The following TTLL5 variants were observed in gnomAD, a reference collection of about 807,000 sequenced individuals.
The protein encoded by TTLL5 is tubulin tyrosine ligase like 5.
Under a neutral mutation model 168.4 loss-of-function variants are expected in TTLL5, and 132 were observed. The ratio of observed to expected loss-of-function variants is 0.78; its 90% confidence interval spans 0.68 to 0.91. The LOEUF is 0.91. Ranked by LOEUF, TTLL5 falls within the 40% of genes least tolerant of loss-of-function variation. The pLI is 0.00. For synonymous variants in TTLL5, 546 were observed against 558.6 expected, an observed-to-expected ratio of 0.98 and a Z score of 0.32; for missense variants, 1,545 against 1,581.5, an observed-to-expected ratio of 0.98 and a Z score of 0.39.
intron 28 of TTLL5, among the ~76,000 whole-genome samples, chr14:75,831,967 G>T (rs1201744254): frequency 6.6e-6 from 1 of 152,142 alleles, no homozygotes; most frequent in Non-Finnish European, 1.5e-5. Flanking sequence ...TGCCAACGGA[G>T]GGGTAGAGTC....
intron 27 of TTLL5, among the ~76,000 whole-genome samples, chr14:75,799,505 T>C (rs1453506083): frequency 1.3e-5 from 2 of 152,250 alleles, no homozygotes; most frequent in Non-Finnish European, 2.9e-5. Context: ...CTGTTCATCA[T>C]GCTAGTTGTT....
chr14:75,863,961 A>C, intron 29 of TTLL5, 99 bp downstream of exon 29: 2 of 1,265,326 alleles, frequency 1.6e-6, no homozygotes, highest in Non-Finnish European at 2.1e-6. Flanking sequence ...ATGTAGGATT[A>C]GTTTTCCAAC....
At chr14:75,950,468 T>A (rs1345336461) in intron 31 of TTLL5, among the ~76,000 whole-genome samples, 2 of 152,114 alleles carry the variant, frequency 1.3e-5, no homozygotes, top group Non-Finnish European at 2.9e-5. Context: ...TTGTGGGAGT[T>A]TTTTTCCCTT....
At chr14:75,923,223 G>A (rs2033892191) in intron 31 of TTLL5, among the ~76,000 whole-genome samples, 1 of 152,124 alleles carries the variant, frequency 6.6e-6, no homozygotes, top group African/African-American at 2.4e-5. Flanking sequence ...GTTCTGCTCT[G>A]ATGTTAGTTA....
intron 31 of TTLL5, among the ~76,000 whole-genome samples, chr14:75,908,784 A>G (rs7161642): frequency 0.028 from 4,258 of 151,984 alleles, 227 homozygotes; most frequent in African/African-American, 0.096. Flanking sequence ...GTATGTATAT[A>G]TATATTTTTT....
chr14:75,718,269 A>T (rs892486703), intron 10 of TTLL5, among the ~76,000 whole-genome samples: 1 of 152,222 alleles, frequency 6.6e-6, no homozygotes, highest in Admixed American at 6.5e-5. Context: ...TTTAGAAGTT[A>T]AGAAATGAGG....
chr14:75,914,033 A>ATATATATATATATATATAT (rs1555356334), intron 31 of TTLL5, among the ~76,000 whole-genome samples: 1 of 71,100 alleles, frequency 1.4e-5, no homozygotes, highest in African/African-American at 1.6e-4. Flanking sequence ...AAAAAAAAAA[A>ATATATATATATATATATAT]ATATATATAT....
chr14:75,749,556 A>G (rs562221674), intron 17 of TTLL5, among the ~76,000 whole-genome samples: 3 of 70,886 alleles, frequency 4.2e-5, no homozygotes, highest in Admixed American at 3.6e-4. Context: ...GGGAGTGCTG[A>G]CCCTATAGGA....
chr14:75,927,903 A>G (rs866510113), intron 31 of TTLL5, among the ~76,000 whole-genome samples: 1 of 152,086 alleles, frequency 6.6e-6, no homozygotes, highest in African/African-American at 2.4e-5. Flanking sequence ...TGTGCCACCA[A>G]TTGCTTCTCT....
At chr14:75,856,585 A>G (rs764635396) in intron 28 of TTLL5, among the ~76,000 whole-genome samples, 1 of 148,406 alleles carries the variant, frequency 6.7e-6, no homozygotes, top group Non-Finnish European at 1.5e-5. Flanking sequence ...ATTTATTCTT[A>G]GGTATTTGAT....
chr14:75,742,384 ATTGTT>A (rs557767951), intron 15 of TTLL5, among the ~76,000 whole-genome samples: 14 of 152,012 alleles, frequency 9.2e-5, no homozygotes, highest in African/African-American at 2.2e-4. Flanking sequence ...CAGTGGCTTT[ATTGTT>A]TTGTTTTGTT....
intron 29 of TTLL5, among the ~76,000 whole-genome samples, chr14:75,880,711 G>A (rs2031761906): frequency 6.6e-6 from 1 of 152,192 alleles, no homozygotes; most frequent in Non-Finnish European, 1.5e-5. Flanking sequence ...AACAACAGCT[G>A]CAAAGAAAGG....
At chr14:75,751,902 C>T (rs549078286) in intron 17 of TTLL5, among the ~76,000 whole-genome samples, 206 of 152,250 alleles carry the variant, frequency 1.4e-3, no homozygotes, top group African/African-American at 4.5e-3. Flanking sequence ...CCCCGAGGGC[C>T]GCTGGTTGCC....
At chr14:75,877,685 C>T (rs1286616451) in intron 29 of TTLL5, among the ~76,000 whole-genome samples, 1 of 152,186 alleles carries the variant, frequency 6.6e-6, no homozygotes, top group East Asian at 1.9e-4. Context: ...TATTGTATAT[C>T]GAAACCTCAT....
At chr14:75,839,289 A>G (rs900444001) in intron 28 of TTLL5, among the ~76,000 whole-genome samples, 3 of 152,180 alleles carry the variant, frequency 2.0e-5, no homozygotes, top group African/African-American at 4.8e-5. Context: ...AGGAACCATC[A>G]TACTGTTTTC....
At chr14:75,792,015 C>A (rs1270213438) in intron 26 of TTLL5, among the ~76,000 whole-genome samples, 1 of 151,888 alleles carries the variant, frequency 6.6e-6, no homozygotes, top group East Asian at 1.9e-4. Context: ...CTTAAGCAAT[C>A]CTCCTGCCTC....
At chr14:75,823,217 C>T (rs958042840) in intron 28 of TTLL5, among the ~76,000 whole-genome samples, 6 of 152,134 alleles carry the variant, frequency 3.9e-5, no homozygotes, top group African/African-American at 1.4e-4. Flanking sequence ...TTTCTTTAGC[C>T]AATGAGAAAG....
At chr14:75,819,841 C>T (rs898280343) in intron 27 of TTLL5, among the ~76,000 whole-genome samples, 166 bp from the exon 28 acceptor site, 9 of 152,336 alleles carry the variant, frequency 5.9e-5, no homozygotes, top group Non-Finnish European at 8.8e-5. Context: ...CACTTCTGCT[C>T]TTTGTGCACA....
chr14:75,802,977 C>T (rs1183217319), intron 27 of TTLL5, among the ~76,000 whole-genome samples: 1 of 152,138 alleles, frequency 6.6e-6, no homozygotes, highest in Admixed American at 6.5e-5. Flanking sequence ...GAGTGACAGG[C>T]TAAGGATGTC....
Sources: allele counts gnomAD v4.1 joint callset (sites outside exome capture counted in the v4.1 genomes callset), GRCh38; gene constraint gnomAD v4.1.1; transcripts MANE v1.5; gene names NCBI Gene and HGNC (gene_info 2026-07-23, HGNC 2026-07-21).